LIMCH1: variants seen among roughly 807,000 people sequenced by gnomAD.
LIMCH1 encodes LIM and calponin homology domains-containing protein 1.
In LIMCH1, 113 loss-of-function variants were observed where a neutral mutation model predicts 176.5. The observed-to-expected ratio is 0.64, with a 90% CI of 0.55 to 0.75. The LOEUF is 0.75. Ranked by LOEUF, LIMCH1 falls within the 30% of genes least tolerant of loss-of-function variation. The pLI is 0.00. For missense variants in LIMCH1, 1,674 were observed against 1,814.9 expected, an observed-to-expected ratio of 0.92 and a Z score of 1.41; for synonymous variants, 619 against 645.9, an observed-to-expected ratio of 0.96 and a Z score of 0.63.
chr4:41,558,442 G>T (rs1014487234), intron 1 of LIMCH1, among the ~76,000 whole-genome samples: 1 of 152,108 alleles, frequency 6.6e-6, no homozygotes, highest in Non-Finnish European at 1.5e-5. Context: ...CAAAATCTTT[G>T]TTGGTTCTAT....
chr4:41,444,685 C>A (rs1309629761), intron 1 of LIMCH1, among the ~76,000 whole-genome samples: 1 of 152,206 alleles, frequency 6.6e-6, no homozygotes, highest in African/African-American at 2.4e-5. Context: ...ACATGAGGTT[C>A]CATCAGCCCT....
At chr4:41,557,283 T>C (rs1241346403) in intron 1 of LIMCH1, among the ~76,000 whole-genome samples, 2 of 152,156 alleles carry the variant, frequency 1.3e-5, no homozygotes, top group East Asian at 3.9e-4. Flanking sequence ...ATGTCATAAA[T>C]GCAAAGATAA....
In LIMCH1 at chr4:41,697,290, A is replaced by G. The variant is rs1586183277; in HGVS notation, c.*105A>G. ...CTCAGGGGCTTCTCAGCATTTACCT[A>G]ATTTCTGAAAGGCTCTTCTGAAAGG... On this transcript the variant is annotated 3_prime_UTR_variant, in exon 32 of 32. Transcript: ENST00000503057. 4.1e-6 allele frequency: 4 copies of G among 986,140 alleles called. No individual in the cohort carries two copies. Among genetic ancestry groups the G allele is most frequent in the Non-Finnish European group, 6.4e-6 (4 of 624,494 alleles). 61.1% of individuals were successfully genotyped at this position (986,140 alleles called of 1,614,324 possible).
intron 19 of LIMCH1, chr4:41,661,824 T>C (rs1446091220): frequency 2.6e-6 from 1 of 385,134 alleles, no homozygotes; most frequent in East Asian, 6.2e-5. Flanking sequence ...GAGGGTAGGA[T>C]TTTGACACAC....
chr4:41,647,948 C>A (rs2094132861), intron 17 of LIMCH1, among the ~76,000 whole-genome samples: 2 of 152,200 alleles, frequency 1.3e-5, no homozygotes, highest in African/African-American at 2.4e-5. Flanking sequence ...ATCCTGAGAG[C>A]CTGGCACAGG....
upstream of LIMCH1, among the ~76,000 whole-genome samples, chr4:41,536,823 T>A (rs1679341178): frequency 6.6e-6 from 1 of 152,190 alleles, no homozygotes; most frequent in South Asian, 2.1e-4. Context: ...GCATTATAGA[T>A]GGGATCTTAA....
chr4:41,631,399 T>C lies in LIMCH1; in HGVS notation c.1523T>C (p.Met508Thr), dbSNP rs1025330513. Residue 508 changes from methionine to threonine, a missense_variant, in exon 10 of 32, where the codon ATG (methionine) becomes ACG (threonine). Met to Thr is a moderately conservative substitution (Grantham distance 81, BLOSUM62 -1). This residue lies in a region of LIMCH1 where 655 missense variants were observed against 692.2 expected (regional missense o/e 0.95). Coordinates refer to ENST00000503057, the MANE Select transcript of LIMCH1 (RefSeq NM_001330672.2). ...ATCTGTCATGGCAGCAAGATTCAAA[T>C]GGACTCTGTGTCTCCTGTCTCAGCG... ...EVICHGSKIQ[M>T]DSVSPVSAAT... The C allele has an allele frequency of 1.7e-5, 26 of 1,536,208 alleles. No homozygotes were observed. The East Asian group carries it at 5.9e-4, about 35-fold the overall frequency.
chr4:41,490,760 G>A (rs943877227), intron 1 of LIMCH1, among the ~76,000 whole-genome samples: 18 of 152,216 alleles, frequency 1.2e-4, no homozygotes, highest in Non-Finnish European at 2.2e-4. Flanking sequence ...AACCGCCATC[G>A]TTATCACGGC....
intron 1 of LIMCH1, among the ~76,000 whole-genome samples, chr4:41,592,277 C>T (rs2087749657): frequency 6.6e-6 from 1 of 152,212 alleles, no homozygotes; most frequent in Non-Finnish European, 1.5e-5. Context: ...ATAAGCTTTT[C>T]TGGCCTGAAC....
chr4:41,636,704 T>C (rs1244188813), intron 13 of LIMCH1, among the ~76,000 whole-genome samples: 3 of 152,062 alleles, frequency 2.0e-5, no homozygotes, highest in Non-Finnish European at 4.4e-5. Flanking sequence ...TAGATCTACA[T>C]TTATTGGTAG....
At chr4:41,380,900 G>A (rs77270262) in intron 1 of LIMCH1, among the ~76,000 whole-genome samples, 2,819 of 152,268 alleles carry the variant, frequency 0.019, 87 homozygotes, top group East Asian at 0.12. Flanking sequence ...GTAGTAGAAT[G>A]TTCTAGATAC....
intron 1 of LIMCH1, chr4:41,418,944 A>G (rs531423827): frequency 6.6e-6 from 1 of 152,302 alleles, no homozygotes; most frequent in Non-Finnish European, 1.5e-5. Flanking sequence ...GTGATAAAAC[A>G]TAGGTATTTG....
rs772393280 is a variant in LIMCH1 at position 41,659,697 on chromosome 4, A to AT, written c.3037-1722dup. 8.7e-4 allele frequency among the ~76,000 whole-genome samples: 133 copies of AT among 152,160 alleles called. 1 individual carries two copies. Among genetic ancestry groups the AT allele is most frequent in the Non-Finnish European group, 2.8e-4 (19 of 67,994 alleles). On this transcript the variant is annotated intron_variant, in intron 18 of 31. Coordinates refer to ENST00000503057, the MANE Select transcript of LIMCH1 (RefSeq NM_001330672.2). ...CTTAAAACCTTTTAAAATTTATGCA[A>AT]TATTTCATACACACTTTAAAATTTA...
intron 18 of LIMCH1, among the ~76,000 whole-genome samples, chr4:41,658,226 G>T (rs556266488): frequency 1.3e-5 from 2 of 152,318 alleles, no homozygotes; most frequent in East Asian, 3.9e-4. Flanking sequence ...TGAGAATTAT[G>T]TGAGACGATT....
chr4:41,602,806 C>CA (rs2090158949), intron 2 of LIMCH1, among the ~76,000 whole-genome samples: 1 of 151,872 alleles, frequency 6.6e-6, no homozygotes, highest in Admixed American at 6.6e-5. Context: ...GGCTCAGTCT[C>CA]AAAACAACAA....
At chr4:41,399,840 A>ATTTTTTTTTTTTTTTTTTTTTT (rs71198650) in intron 1 of LIMCH1, among the ~76,000 whole-genome samples, 1 of 114,132 alleles carries the variant, frequency 8.8e-6, no homozygotes, top group African/African-American at 3.9e-5. Context: ...TGCCCGGCTA[A>ATTTTTTTTTTTTTTTTTTTTTT]TTTTTTTTTT....
chr4:41,588,795 C>G (rs2086944144), intron 1 of LIMCH1, among the ~76,000 whole-genome samples: 1 of 152,172 alleles, frequency 6.6e-6, no homozygotes, highest in Non-Finnish European at 1.5e-5. Context: ...AGACCGAGAG[C>G]CTGTCTTCGT....
chr4:41,458,306 A>G (rs2064863237), intron 1 of LIMCH1, among the ~76,000 whole-genome samples: 1 of 152,142 alleles, frequency 6.6e-6, no homozygotes, highest in Admixed American at 6.5e-5. Flanking sequence ...AGTGACTTGT[A>G]AAAAAACCAA....
rs202243059 is a variant in LIMCH1, at chr4:41,517,531, AC to A, written c.168-6876del. Among the ~76,000 whole-genome samples, 971 of 152,224 alleles carry A rather than the reference AC, an allele frequency of 6.4e-3. 10 individuals carry two copies. The highest frequency in any genetic ancestry group is 0.022 in the African/African-American group (911 of 41,522). On this transcript the variant is annotated intron_variant, in intron 2 of 26. Transcript: ENST00000313860. Reference sequence around the variant, plus strand: ...GCTCCAGGCAAGTGGCTTAAGTGTGACCTATATTTCACACATTCTGAACCGT... The same window carrying A: ...GCTCCAGGCAAGTGGCTTAAGTGTGACTATATTTCACACATTCTGAACCGT...
Sources: allele counts gnomAD v4.1 joint callset (sites outside exome capture counted in the v4.1 genomes callset), GRCh38; gene constraint gnomAD v4.1.1; regional missense constraint gnomAD v4.1.1; transcripts MANE v1.5; gene names NCBI Gene and HGNC (gene_info 2026-07-23, HGNC 2026-07-21).